Variants in PIK3R4 observed in about 807,000 individuals in gnomAD.
PIK3R4 encodes phosphoinositide-3-kinase regulatory subunit 4, also known as phosphoinositide 3-kinase regulatory subunit 4.
PIK3R4 carries 46 observed loss-of-function variants against 136.5 expected under a neutral mutation model. The ratio of observed to expected loss-of-function variants is 0.34; its 90% confidence interval spans 0.27 to 0.43. PIK3R4 has a LOEUF of 0.43. Among genes scored for constraint, PIK3R4 ranks in the 20% least tolerant of loss-of-function variants. The probability of loss-of-function intolerance (pLI) is 1.00; values close to 1 mark genes in which losing one functional copy is unlikely to be tolerated. For missense variants in PIK3R4, 1,331 were observed against 1,649.5 expected (o/e 0.81, Z 3.35); for synonymous variants, 557 against 566.7 (o/e 0.98, Z 0.24).
chr3:130,681,417 T>TTTGA lies in PIK3R4; in HGVS notation c.3708+70_3708+73dup, dbSNP rs1169511742. ...ACCCAAAAGCCCAACAGATACTAGG[T>TTTGA]TTGATTAAATGCCTGAAAGTACTTA... On this transcript the variant is annotated intron_variant, in intron 17 of 19. Transcript: ENST00000356763. 9 of 992,994 alleles carry TTTGA rather than the reference T, an allele frequency of 9.1e-6. No individual in the cohort carries two copies. The Admixed American group carries it at 1.7e-4, about 19-fold the overall frequency. 61.5% of individuals were successfully genotyped at this position (992,994 alleles called of 1,614,324 possible).
At chr3:130,690,688 C>A (rs2066512403) in intron 13 of PIK3R4, 34 bp from the exon 14 acceptor site, 1 of 1,351,968 alleles carries the variant, frequency 7.4e-7, no homozygotes, top group South Asian at 1.3e-5. Flanking sequence ...CATTTATGAA[C>A]CAATGTCACT....
At chr3:130,742,407 G>A (rs983122707) in intron 2 of PIK3R4, among the ~76,000 whole-genome samples, 3 of 152,142 alleles carry the variant, frequency 2.0e-5, no homozygotes, top group African/African-American at 7.2e-5. Flanking sequence ...TGAAAGTGAC[G>A]CAATTCCTAA....
chr3:130,734,686 T>C (rs2066776450), intron 3 of PIK3R4, among the ~76,000 whole-genome samples: 1 of 152,208 alleles, frequency 6.6e-6, no homozygotes, highest in Non-Finnish European at 1.5e-5. Context: ...GTCAAAGAGA[T>C]GTTAAATTCT....
intron 13 of PIK3R4, among the ~76,000 whole-genome samples, chr3:130,694,225 G>A (rs2066534542): frequency 6.6e-6 from 1 of 151,586 alleles, no homozygotes; most frequent in South Asian, 2.1e-4. Context: ...CTTCAATTTG[G>A]TTCTTTTCTT....
intron 6 of PIK3R4, among the ~76,000 whole-genome samples, chr3:130,727,077 G>T (rs2066735770): frequency 6.6e-6 from 1 of 152,146 alleles, no homozygotes; most frequent in Non-Finnish European, 1.5e-5. Context: ...TTTCAAAGTA[G>T]AAAGTACCCT....
intron 9 of PIK3R4, among the ~76,000 whole-genome samples, chr3:130,715,788 A>G (rs1205050897): frequency 1.3e-5 from 2 of 152,096 alleles, no homozygotes; most frequent in Non-Finnish European, 2.9e-5. Flanking sequence ...CCTTTGTTGC[A>G]ATTGCTTTTG....
At position 130,743,728 on chromosome 3, in the gene PIK3R4, C is replaced by G. The variant is rs74662372; in HGVS notation, c.733+758G>C. On this transcript the variant is annotated intron_variant, in intron 2 of 19. Coordinates refer to ENST00000356763, the MANE Select transcript of PIK3R4 (RefSeq NM_014602.3). ...CTTCCAACTCTGCCACAATCTTAAG[C>G]CGGTCACAATCATCTTACCTGGACT... is the stretch of plus-strand genomic sequence containing the variant. Among the ~76,000 whole-genome samples, 2,012 of 152,272 alleles carry G rather than the reference C, an allele frequency of 0.013. 217 individuals are homozygous for G. In the East Asian group the frequency reaches 0.28, roughly 21 times the overall value.
chr3:130,705,792 T>G, intron 11 of PIK3R4, 21 bp from the exon 12 acceptor site: 2 of 1,441,176 alleles, frequency 1.4e-6, no homozygotes, highest in Non-Finnish European at 2.0e-6. Flanking sequence ...AATAGAATTC[T>G]AACTATTTAC....
At chr3:130,737,248 C>T (rs139545679) in intron 2 of PIK3R4, among the ~76,000 whole-genome samples, 42 of 152,324 alleles carry the variant, frequency 2.8e-4, no homozygotes, top group African/African-American at 9.4e-4. Context: ...CACCCCTCAC[C>T]GGACACATTC....
chr3:130,731,038 T>C (rs2066757615), intron 4 of PIK3R4, among the ~76,000 whole-genome samples: 1 of 152,234 alleles, frequency 6.6e-6, no homozygotes, highest in Admixed American at 6.5e-5. Flanking sequence ...CAGTTGTCTA[T>C]ATCTTCTCCT....
At chr3:130,738,683 A>C (rs2066800432) in intron 2 of PIK3R4, among the ~76,000 whole-genome samples, 1 of 151,904 alleles carries the variant, frequency 6.6e-6, no homozygotes, top group Non-Finnish European at 1.5e-5. Context: ...AAAGTAAAGA[A>C]ATGCTTAAAA....
Position 130,690,635 on chromosome 3 carries a change from G to A in PIK3R4, c.3118C>T (p.Arg1040Ter), listed in dbSNP as rs776572857. 1.2e-6 allele frequency: 2 copies of A among 1,606,812 alleles called. No individual in the cohort carries two copies. Among genetic ancestry groups the A allele is most frequent in the Non-Finnish European group, 1.7e-6 (2 of 1,174,472 alleles). The change falls in exon 14 of 20, where the codon CGA becomes TGA. Residue 1040 changes from arginine to a stop codon, truncating the protein, a stop_gained. Coordinates refer to ENST00000356763, the MANE Select transcript of PIK3R4 (RefSeq NM_014602.3). LOFTEE classifies it high-confidence loss of function. ...TTTRSILTYS[R>*]IGGRVKTLTF... Reference sequence around the variant, plus strand: ...AGCGTCTTGACTCGTCCTCCAATTCGGCTGTATGTAAGAATAGATCTGAAT... The same window carrying A: ...AGCGTCTTGACTCGTCCTCCAATTCAGCTGTATGTAAGAATAGATCTGAAT...
intron 2 of PIK3R4, among the ~76,000 whole-genome samples, chr3:130,741,555 T>A (rs2066823940): frequency 6.6e-6 from 1 of 152,248 alleles, no homozygotes; most frequent in South Asian, 2.1e-4. Context: ...ATCGTCACTA[T>A]CATCACTGAG....
intron 4 of PIK3R4, among the ~76,000 whole-genome samples, chr3:130,731,656 T>G: frequency 6.6e-6 from 1 of 152,116 alleles, no homozygotes; most frequent in East Asian, 1.9e-4. Context: ...TATTTCCCCT[T>G]TTAAGTCCAT....
chr3:130,724,006 G>A (rs956729106), intron 6 of PIK3R4: 1 of 152,542 alleles, frequency 6.6e-6, no homozygotes, highest in African/African-American at 2.4e-5. Flanking sequence ...ACTATTAAAA[G>A]TTTGCCTCCC....
Position 130,718,377 on chromosome 3 carries a change from G to T in PIK3R4, c.2127+12C>A. Reference sequence around the variant, plus strand: ...TGGAGGAAAGACTGACTCCAACTTGGAACATGTATACCTGTATTATTGGTT... The same window carrying T: ...TGGAGGAAAGACTGACTCCAACTTGTAACATGTATACCTGTATTATTGGTT... On this transcript the variant is annotated intron_variant, in intron 8 of 19. Coordinates refer to ENST00000356763, the MANE Select transcript of PIK3R4 (RefSeq NM_014602.3). The T allele has an allele frequency of 6.2e-7, 1 of 1,601,492 alleles. No individual in the cohort carries two copies. The highest frequency in any genetic ancestry group is 8.5e-7 in the Non-Finnish European group (1 of 1,171,664).
intron 2 of PIK3R4, among the ~76,000 whole-genome samples, chr3:130,738,966 C>A (rs1036949097): frequency 2.6e-5 from 4 of 152,210 alleles, no homozygotes; most frequent in African/African-American, 7.2e-5. Flanking sequence ...TTTTTGCAAC[C>A]ATCATAACAA....
At chr3:130,742,672 C>T (rs531839946) in intron 2 of PIK3R4, among the ~76,000 whole-genome samples, 2 of 152,312 alleles carry the variant, frequency 1.3e-5, no homozygotes, top group Middle Eastern at 3.4e-3. Flanking sequence ...AGATGAAATA[C>T]ATTCATTCAT....
Position 130,723,469 on chromosome 3 carries a change from C to A in PIK3R4, c.1926G>T (p.Met642Ile). The A allele has an allele frequency of 6.2e-7, 1 of 1,613,464 alleles. No homozygotes were observed. The highest frequency in any genetic ancestry group is 1.1e-5 in the South Asian group (1 of 90,994). ...GTTTTTGTAGCAGTCCTAACTGGCA[C>A]ATACAAGTAAGGGCATAAAGAGCTT... ...IVKALYALTCMCQLGLLQKPH... is the reference protein window; with the variant it reads ...IVKALYALTCICQLGLLQKPH... The change falls in exon 7 of 20, where the codon ATG becomes ATT. Residue 642 changes from methionine (M) to isoleucine (I), a missense_variant. Met to Ile is a conservative substitution (Grantham distance 10). Transcript: ENST00000356763.
Sources: allele counts gnomAD v4.1 joint callset (sites outside exome capture counted in the v4.1 genomes callset), GRCh38; gene constraint gnomAD v4.1.1; transcripts MANE v1.5; gene names NCBI Gene and HGNC (gene_info 2026-07-23, HGNC 2026-07-21).